Variants in SLC4A7 observed in about 807,000 individuals in gnomAD.
SLC4A7 encodes the protein sodium bicarbonate cotransporter 3.
Under a neutral mutation model 137.6 loss-of-function variants are expected in SLC4A7, and 51 were observed. The ratio of observed to expected loss-of-function variants is 0.37; its 90% CI spans 0.30 to 0.47. The LOEUF (loss-of-function observed/expected upper bound fraction) is 0.47. Among genes scored for constraint, SLC4A7 ranks in the 20% least tolerant of loss-of-function variants. SLC4A7 has a pLI of 1.00. For missense variants in SLC4A7, 1,247 were observed against 1,525.4 expected (o/e 0.82, Z 3.04); for synonymous variants, 542 against 518.6 (o/e 1.05, Z -0.61).
rs139463553 is a variant in SLC4A7, at chr3:27,431,636, C to T, written c.812G>A (p.Arg271Gln). 1.3e-3 allele frequency: 2,008 copies of T among 1,597,676 alleles called. 6 individuals carry two copies. The highest frequency in any genetic ancestry group is 1.6e-3 in the Non-Finnish European group (1,839 of 1,171,762). ...EGLSASRHSL[R>Q]TGLSASNLSL... is the part of the protein sequence containing the mutation. The stretch of plus-strand genomic sequence containing the variant: ...AAGGTTTGAGGCAGACAGACCTGTT[C>T]GCAAAGAGTGGCGGGAGGCTGAAAG... Residue 271 changes from arginine (R) to glutamine (Q), a missense_variant, in exon 7 of 26, where the codon CGA (arginine) becomes CAA (glutamine). Arg to Gln is a conservative substitution (Grantham distance 43). Transcript: ENST00000454389.
chr3:27,408,516 T>C (rs1343680881), intron 13 of SLC4A7, among the ~76,000 whole-genome samples: 1 of 152,234 alleles, frequency 6.6e-6, no homozygotes, highest in Non-Finnish European at 1.5e-5. Context: ...GATCATGAAA[T>C]ATTTTAATTC....
chr3:27,466,425 C>G (rs1171932686), intron 1 of SLC4A7, among the ~76,000 whole-genome samples: 1 of 149,444 alleles, frequency 6.7e-6, no homozygotes, highest in Admixed American at 6.7e-5. Flanking sequence ...GCACTCCAAC[C>G]TGGGCGACAG....
Position 27,400,841 on chromosome 3 carries a change from T to C in SLC4A7, c.2350A>G (p.Ser784Gly). 4 of 1,606,180 alleles carry C rather than the reference T, an allele frequency of 2.5e-6. No individual in the cohort carries two copies. The highest frequency in any genetic ancestry group is 3.4e-6 in the Non-Finnish European group (4 of 1,172,854). The change falls in exon 16 of 26, where the codon AGC (serine) becomes GGC (glycine). Residue 784 changes from serine to glycine, a missense_variant. By Grantham distance (56) the Ser-to-Gly change is moderately conservative (BLOSUM62 0). This residue lies in a region of SLC4A7 where 499 missense variants were observed against 664.2 expected (regional missense o/e 0.75). Coordinates refer to ENST00000454389, the MANE Select transcript of SLC4A7 (RefSeq NM_001321103.2). ...TTCCATTGTGCTAGAGTTTCATTGC[T>C]GGGGTTTGGAGGTTCAGTACATACA... ...SCVCTEPPNP[S>G]NETLAQWKKD... is the part of the protein sequence containing the mutation.
At chr3:27,418,417 A>G (rs914385583) in intron 11 of SLC4A7, 69 bp downstream of exon 11, 2 of 1,318,596 alleles carry the variant, frequency 1.5e-6, no homozygotes, top group African/African-American at 3.1e-5. Flanking sequence ...TGGTTTTTGA[A>G]TCACACCTAA....
chr3:27,378,842 CTTTT>C (rs1003278821), intron 25 of SLC4A7, among the ~76,000 whole-genome samples: 2 of 152,102 alleles, frequency 1.3e-5, no homozygotes, highest in Non-Finnish European at 2.9e-5. Flanking sequence ...GGTTTCTGAT[CTTTT>C]TTATGTTTAT....
intron 15 of SLC4A7, among the ~76,000 whole-genome samples, chr3:27,401,385 G>T (rs1235398892): frequency 1.3e-5 from 2 of 152,186 alleles, no homozygotes; most frequent in Non-Finnish European, 2.9e-5. Context: ...GACTAGGAGA[G>T]TCATAAGGAA....
At chr3:27,401,086 G>C in intron 15 of SLC4A7, 1 of 368,540 alleles carries the variant, frequency 2.7e-6, no homozygotes, top group East Asian at 4.7e-5. Flanking sequence ...AAAACGTTTA[G>C]TTAATGAAGC....
chr3:27,377,096 AG>A (rs752990751), intron 25 of SLC4A7, among the ~76,000 whole-genome samples: 2 of 152,076 alleles, frequency 1.3e-5, no homozygotes, highest in Non-Finnish European at 2.9e-5. Flanking sequence ...ACAACTAAAG[AG>A]GGGGTCCTTA....
rs190790310 is a variant in SLC4A7 at position 27,391,687 on chromosome 3, A to G, written c.3186+53T>C. ...CTACCATCATTAAAACAATCTTTGC[A>G]TACTTAAAATTATCAAGTTTCTATA... On this transcript the variant is annotated intron_variant, in intron 21 of 25. Coordinates refer to ENST00000454389, the MANE Select transcript of SLC4A7 (RefSeq NM_001321103.2). The G allele has an allele frequency of 2.2e-4, 224 of 1,010,994 alleles. No individual in the cohort carries two copies. The African/African-American group carries it at 3.1e-3, about 14-fold the overall frequency. The allele number at this position is 1,010,994 out of a possible 1,614,324, so 62.6% of individuals were successfully genotyped here.
chr3:27,385,593 A>G (rs1013397071), intron 23 of SLC4A7, among the ~76,000 whole-genome samples: 13 of 152,192 alleles, frequency 8.5e-5, no homozygotes, highest in Non-Finnish European at 1.8e-4. Context: ...AATTCTTCTA[A>G]TTGCTGATTT....
intron 20 of SLC4A7, among the ~76,000 whole-genome samples, chr3:27,392,030 G>T (rs1300242322): frequency 6.6e-6 from 1 of 152,152 alleles, no homozygotes; most frequent in African/African-American, 2.4e-5. Context: ...GTTCACTTAA[G>T]ATCAGGAGTA....
intron 3 of SLC4A7, among the ~76,000 whole-genome samples, chr3:27,444,162 A>G (rs2057422128): frequency 6.6e-6 from 1 of 152,222 alleles, no homozygotes; most frequent in Admixed American, 6.5e-5. Flanking sequence ...GAGGAGAGCT[A>G]AAATCTCCAA....
rs202237866 is a variant in SLC4A7, at chr3:27,424,121, T to G, written c.1182A>C (p.Gly394=). The G allele has an allele frequency of 3.7e-5, 59 of 1,610,862 alleles. No individual in the cohort carries two copies. The highest frequency in any genetic ancestry group is 4.9e-5 in the Non-Finnish European group (58 of 1,178,284). Residue 394 remains glycine, a synonymous_variant, in exon 8 of 26, where the codon GGA becomes GGC. Transcript: ENST00000454389. ...CTCCACTTTTACTATTGTCCAAGTTTCCAGGAGCAGACTGGGGAGAGGCCA... is the reference window on the plus strand; with the variant it reads ...CTCCACTTTTACTATTGTCCAAGTTGCCAGGAGCAGACTGGGGAGAGGCCA... ...GILASPQSAP[G]NLDNSKSGEI...
chr3:27,395,678 A>G (rs1010016035), intron 18 of SLC4A7, among the ~76,000 whole-genome samples: 4 of 152,228 alleles, frequency 2.6e-5, no homozygotes, highest in African/African-American at 7.2e-5. Context: ...CACCCCACAG[A>G]GCAGACCACA....
chr3:27,378,745 T>C (rs903547518), intron 25 of SLC4A7, among the ~76,000 whole-genome samples: 9 of 152,228 alleles, frequency 5.9e-5, no homozygotes, highest in Non-Finnish European at 1.0e-4. Context: ...ACTTGTGTTT[T>C]TCTCTTTTCT....
At chr3:27,439,936 A>C (rs898158018) in intron 3 of SLC4A7, among the ~76,000 whole-genome samples, 4 of 152,194 alleles carry the variant, frequency 2.6e-5, no homozygotes, top group Non-Finnish European at 5.9e-5. Context: ...TTTATCATGG[A>C]TAGGTATTGA....
chr3:27,392,577 G>A (rs1393513853), intron 20 of SLC4A7, among the ~76,000 whole-genome samples: 4 of 152,154 alleles, frequency 2.6e-5, no homozygotes, highest in Admixed American at 1.3e-4. Flanking sequence ...TGTAATCTCA[G>A]CATTTCGGGA....
chr3:27,428,555 T>G (rs2055900423), intron 7 of SLC4A7, among the ~76,000 whole-genome samples: 1 of 152,184 alleles, frequency 6.6e-6, no homozygotes, highest in Non-Finnish European at 1.5e-5. Context: ...TGTGTTTCCA[T>G]AAAGCCAATA....
At chr3:27,405,551 C>A (rs548057445) in intron 13 of SLC4A7, among the ~76,000 whole-genome samples, 112 of 152,082 alleles carry the variant, frequency 7.4e-4, no homozygotes, top group African/African-American at 2.7e-3. Flanking sequence ...TGAAATAGTT[C>A]ATTTTAAAAA....
Sources: allele counts gnomAD v4.1 joint callset (sites outside exome capture counted in the v4.1 genomes callset), GRCh38; gene constraint gnomAD v4.1.1; regional missense constraint gnomAD v4.1.1; transcripts MANE v1.5; gene names NCBI Gene and HGNC (gene_info 2026-07-23, HGNC 2026-07-21).